HEATR4: variants seen among roughly 807,000 people sequenced by gnomAD.
HEATR4 encodes the protein HEAT repeat-containing protein 4.
HEATR4 carries 95 observed loss-of-function variants against 108.8 expected under a neutral mutation model. The ratio of observed to expected loss-of-function variants is 0.87; its 90% CI spans 0.74 to 1.04. The LOEUF is 1.04. Among genes scored for constraint, HEATR4 ranks in the 50% least tolerant of loss-of-function variants. The pLI is 0.00. For missense variants in HEATR4, 1,152 were observed against 1,253.8 expected, an observed-to-expected ratio of 0.92 and a Z score of 1.23; for synonymous variants, 443 against 459.4, an observed-to-expected ratio of 0.96 and a Z score of 0.46.
At chr14:73,573,543 C>G in the HEATR4 span, 4 of 1,613,550 alleles carry the variant, frequency 2.5e-6, no homozygotes, top group African/African-American at 5.3e-5. Flanking sequence ...GACGCTCCAT[C>G]TGGAGTACTT....
intron 17 of HEATR4, among the ~76,000 whole-genome samples, chr14:73,479,444 T>TTCTTTCTTTCTTTC (rs1566814217): frequency 6.9e-6 from 1 of 145,776 alleles, no homozygotes; most frequent in African/African-American, 2.6e-5. Flanking sequence ...TCTTTCTTTT[T>TTCTTTCTTTCTTTC]TTTTTTTTTT....
chr14:73,612,411 C>G, the HEATR4 span: 1 of 455,900 alleles, frequency 2.2e-6, no homozygotes, highest in Non-Finnish European at 3.6e-6. Context: ...TGCACAAATT[C>G]TAGGCGCCCC....
At position 73,500,702 on chromosome 14, in the gene HEATR4, C is replaced by G. The variant is rs777673912; in HGVS notation, c.2134G>C (p.Glu712Gln). The part of the protein sequence containing the change: ...RVKLGQGNSQ[E>Q]RVEALYLIGE... ...ATCAGGTAGAGAGCTTCCACACGCT[C>G]CTGGGAATTTCCTTGACCTAGCTTG... The change falls in exon 12 of 18, where the codon GAG (glutamate) becomes CAG (glutamine). Residue 712 changes from glutamate (E) to glutamine (Q), a missense_variant. Transcript: ENST00000553558. The G allele has an allele frequency of 6.2e-7, 1 of 1,614,020 alleles. No individual in the cohort carries two copies. Among genetic ancestry groups the G allele is most frequent in the South Asian group, 1.1e-5 (1 of 91,068 alleles).
intron 17 of HEATR4, 31 bp downstream of exon 17, chr14:73,493,030 TCTTAC>T (rs1885887127): frequency 6.3e-7 from 1 of 1,593,548 alleles, no homozygotes. Context: ...AAACTCACGT[TCTTAC>T]CTTGATAAGC....
Position 73,492,476 on chromosome 14 carries a change from C to G in HEATR4, c.2844+590G>C. Reference sequence around the variant, plus strand: ...GGAGAAGGTGCGGGTCTTGGTTGCCCGCCTGGGACACTTTGCTCCTGTTGA... The same window carrying G: ...GGAGAAGGTGCGGGTCTTGGTTGCCGGCCTGGGACACTTTGCTCCTGTTGA... On this transcript the variant is annotated intron_variant, in intron 17 of 17. Coordinates refer to ENST00000553558, the MANE Select transcript of HEATR4 (RefSeq NM_001220484.1). The surrounding 1 kb of genome is among the most constrained non-coding windows in gnomAD (Gnocchi z 4.9). 5 of 1,613,578 alleles carry G rather than the reference C, an allele frequency of 3.1e-6. No individual in the cohort carries two copies. Among genetic ancestry groups the G allele is most frequent in the Non-Finnish European group, 4.2e-6 (5 of 1,179,742 alleles).
At chr14:73,573,628 C>T in the HEATR4 span, 3 of 1,610,382 alleles carry the variant, frequency 1.9e-6, no homozygotes, top group Non-Finnish European at 2.5e-6. Context: ...TATGATGTAT[C>T]AGGTCTCTTC....
intron 15 of HEATR4, 44 bp downstream of exon 15, chr14:73,496,557 G>C: frequency 8.3e-7 from 1 of 1,206,278 alleles, no homozygotes; most frequent in Non-Finnish European, 1.2e-6. Flanking sequence ...GAACTCTTGA[G>C]AGTCCTGAAT....
chr14:73,509,193 T>C lies in HEATR4; in HGVS notation c.1720+119A>G, dbSNP rs1595111093. On this transcript the variant is annotated intron_variant, in intron 8 of 17. Coordinates refer to ENST00000553558, the MANE Select transcript of HEATR4 (RefSeq NM_001220484.1). Reference sequence around the variant, plus strand: ...TAATTTTCAAATGGTCTAACATAAATCTAAACCCAATACAGCAGACATTGC... The same window carrying C: ...TAATTTTCAAATGGTCTAACATAAACCTAAACCCAATACAGCAGACATTGC... The C allele has an allele frequency of 5.9e-6, 6 of 1,019,110 alleles. No individual in the cohort carries two copies. The East Asian group carries it at 1.2e-4, about 21-fold the overall frequency. The allele number at this position is 1,019,110 out of a possible 1,614,324, so 63.1% of individuals were successfully genotyped here. A position where few individuals can be genotyped will look rare whatever the true frequency, so the allele number is the denominator to read the frequency against.
chr14:73,618,833 A>G, the HEATR4 span, among the ~76,000 whole-genome samples: 1 of 152,078 alleles, frequency 6.6e-6, no homozygotes, highest in East Asian at 1.9e-4. Flanking sequence ...AGCAAATGAT[A>G]GTTAAGAAAG....
chr14:73,500,625 G>T lies in HEATR4; in HGVS notation c.2211C>A (p.Cys737Ter). The change falls in exon 12 of 18, where the codon TGC (cysteine) becomes TGA (stop). Residue 737 changes from cysteine (C) to a stop codon, truncating the protein, a stop_gained. Coordinates refer to ENST00000553558, the MANE Select transcript of HEATR4 (RefSeq NM_001220484.1). LOFTEE classifies it high-confidence loss of function. ...TAKLLPSFLH[C>*]FSDDFTAVRR... Reference sequence around the variant, plus strand: ...GAACTGCTGTGAAGTCATCAGAGAAGCAGTGCAGGAAGCTTGGGAGAAGCT... The same window carrying T: ...GAACTGCTGTGAAGTCATCAGAGAATCAGTGCAGGAAGCTTGGGAGAAGCT... The T allele has an allele frequency of 6.2e-7, 1 of 1,614,176 alleles. No individual in the cohort carries two copies. Among genetic ancestry groups the T allele is most frequent in the Middle Eastern group, 1.7e-4 (1 of 6,034 alleles).
chr14:73,625,771 G>C, the HEATR4 span, among the ~76,000 whole-genome samples: 1 of 152,198 alleles, frequency 6.6e-6, no homozygotes, highest in African/African-American at 2.4e-5. Flanking sequence ...TAAATGTTGT[G>C]TGTGTTCTGA....
chr14:73,592,406 C>T, the HEATR4 span: 2 of 1,529,684 alleles, frequency 1.3e-6, no homozygotes, highest in African/African-American at 1.4e-5. Context: ...CCACGCTCTT[C>T]CTGCCGCCAG....
At chr14:73,497,124 G>A (rs1030001073) in intron 14 of HEATR4, among the ~76,000 whole-genome samples, 2 of 152,232 alleles carry the variant, frequency 1.3e-5, no homozygotes, top group African/African-American at 2.4e-5. Context: ...TAGAACTCCT[G>A]ACCTCAGGTG....
At chr14:73,599,574 T>C in the HEATR4 span, among the ~76,000 whole-genome samples, 187 of 152,206 alleles carry the variant, frequency 1.2e-3, no homozygotes, top group Non-Finnish European at 2.2e-3. Flanking sequence ...GAGTTCCCAA[T>C]TGACAGCCAG....
intron 12 of HEATR4, 118 bp from the exon 13 acceptor site, chr14:73,499,258 A>G (rs1886282600): frequency 2.5e-6 from 2 of 808,486 alleles, no homozygotes; most frequent in Non-Finnish European, 2.2e-6. Context: ...AGGTGGGCGG[A>G]TCACTTGACA....
At chr14:73,499,861 A>G (rs181081706) in intron 12 of HEATR4, among the ~76,000 whole-genome samples, 30 of 152,316 alleles carry the variant, frequency 2.0e-4, no homozygotes, top group Admixed American at 4.6e-4. Flanking sequence ...GCTGGGAGCT[A>G]AACCAAGCTT....
rs1291623542 is a variant in HEATR4, at chr14:73,495,164, T to C, written c.2785+64A>G. 14 of 1,468,516 alleles carry C rather than the reference T, an allele frequency of 9.5e-6. 1 individual carries two copies. The Admixed American group carries it at 2.7e-4, about 29-fold the overall frequency. The allele number at this position is 1,468,516 out of a possible 1,614,324, so 91.0% of individuals were successfully genotyped here. On this transcript the variant is annotated intron_variant, in intron 16 of 17. Transcript: ENST00000553558. ...AGGCTTGCTACTAAGTCCCAAAACA[T>C]CCAGATCCTGGAAGAGGCTTATTAA...
At chr14:73,610,437 C>T in the HEATR4 span, among the ~76,000 whole-genome samples, 10 of 151,972 alleles carry the variant, frequency 6.6e-5, no homozygotes, top group African/African-American at 1.9e-4. Flanking sequence ...ATTACAGGCG[C>T]GTGCTGCCAC....
intron 9 of HEATR4, 34 bp from the exon 10 acceptor site, chr14:73,506,605 A>G: frequency 6.7e-7 from 1 of 1,498,128 alleles, no homozygotes; most frequent in Non-Finnish European, 9.3e-7. Context: ...GGATATTCAC[A>G]ATCACTTTTA....
Sources: allele counts gnomAD v4.1 joint callset (sites outside exome capture counted in the v4.1 genomes callset), GRCh38; gene constraint gnomAD v4.1.1; non-coding constraint Gnocchi (gnomAD v3.1); transcripts MANE v1.5; gene names NCBI Gene and HGNC (gene_info 2026-07-23, HGNC 2026-07-21).